Variants in PALM2AKAP2 observed in about 807,000 individuals in gnomAD.
The protein encoded by PALM2AKAP2 is PALM2 and AKAP2 fusion, also known as PALM2-AKAP2 fusion protein.
In PALM2AKAP2, 37 loss-of-function variants were observed where a neutral mutation model predicts 71.5. The ratio of observed to expected loss-of-function variants is 0.52; its 90% confidence interval spans 0.40 to 0.68. PALM2AKAP2 has a LOEUF of 0.68. PALM2AKAP2 is among the 30% of genes least tolerant of loss of function. PALM2AKAP2 has a pLI of 0.00. For missense variants in PALM2AKAP2, 1,224 were observed against 1,191.8 expected (o/e 1.03, Z -0.40); for synonymous variants, 468 against 478.8 (o/e 0.98, Z 0.29).
chr9:110,108,513 C>G (rs1835169486), intron 1 of PALM2AKAP2, among the ~76,000 whole-genome samples: 1 of 152,052 alleles, frequency 6.6e-6, no homozygotes, highest in African/African-American at 2.4e-5. Flanking sequence ...ATTCTACTAC[C>G]CTAATATAAT....
At chr9:110,149,367 C>G (rs974714504) in intron 2 of PALM2AKAP2, among the ~76,000 whole-genome samples, 1 of 152,216 alleles carries the variant, frequency 6.6e-6, no homozygotes. Flanking sequence ...GTGGATCTGC[C>G]TAGTCCATAA....
intron 1 of PALM2AKAP2, among the ~76,000 whole-genome samples, chr9:109,802,305 C>T (rs1351736677): frequency 6.6e-6 from 1 of 152,152 alleles, no homozygotes; most frequent in Non-Finnish European, 1.5e-5. Context: ...ATAGGTTCCC[C>T]ACTTTGTTAA....
At chr9:109,990,684 G>A (rs558125424) in intron 6 of PALM2AKAP2, among the ~76,000 whole-genome samples, 3 of 152,338 alleles carry the variant, frequency 2.0e-5, no homozygotes, top group East Asian at 1.9e-4. Context: ...AGGCAGCTTC[G>A]CTTTACTGCA....
At chr9:109,843,576 G>A (rs911572743) in intron 1 of PALM2AKAP2, among the ~76,000 whole-genome samples, 4 of 152,096 alleles carry the variant, frequency 2.6e-5, no homozygotes, top group Non-Finnish European at 5.9e-5. Context: ...TAGAGTATGT[G>A]AAAAAAATTT....
exon 4 of PALM2AKAP2, chr9:110,172,025 G>A (rs1836868927): frequency 6.6e-6 from 1 of 152,554 alleles, no homozygotes; most frequent in Non-Finnish European, 1.5e-5. Context: ...GCCGTATATA[G>A]ATCAATGTCC....
intron 6 of PALM2AKAP2, among the ~76,000 whole-genome samples, chr9:109,977,217 G>A (rs1832188362): frequency 6.6e-6 from 1 of 152,068 alleles, no homozygotes; most frequent in South Asian, 2.1e-4. Context: ...GCTGCACCAG[G>A]GAATACAAGT....
chr9:109,901,513 A>G (rs760578136), intron 3 of PALM2AKAP2, among the ~76,000 whole-genome samples: 1 of 152,166 alleles, frequency 6.6e-6, no homozygotes, highest in East Asian at 1.9e-4. Flanking sequence ...CTCTTTGAAG[A>G]TGGGATAATC....
At chr9:110,005,259 C>A (rs976848171) in intron 6 of PALM2AKAP2, among the ~76,000 whole-genome samples, 1 of 152,218 alleles carries the variant, frequency 6.6e-6, no homozygotes, top group Non-Finnish European at 1.5e-5. Flanking sequence ...GGACCCTCAG[C>A]TGCAGGTCTG....
At chr9:109,966,329 G>A (rs1303815411) in intron 6 of PALM2AKAP2, among the ~76,000 whole-genome samples, 2 of 152,240 alleles carry the variant, frequency 1.3e-5, no homozygotes, top group Admixed American at 1.3e-4. Context: ...GAAGAGCCTT[G>A]ATAGACTTAA....
intron 1 of PALM2AKAP2, among the ~76,000 whole-genome samples, chr9:109,813,145 G>A (rs1827767056): frequency 6.6e-6 from 1 of 152,234 alleles, no homozygotes; most frequent in African/African-American, 2.4e-5. Context: ...AGCCAAGTTA[G>A]AAATTGGTCA....
chr9:110,088,364 C>A (rs1481305982), intron 1 of PALM2AKAP2, among the ~76,000 whole-genome samples: 3 of 152,184 alleles, frequency 2.0e-5, no homozygotes, highest in Non-Finnish European at 2.9e-5. Context: ...CAATCAGAGG[C>A]TGCAGTGAAG....
chr9:110,070,977 C>T (rs982344520), intron 1 of PALM2AKAP2, among the ~76,000 whole-genome samples: 1 of 151,846 alleles, frequency 6.6e-6, no homozygotes, highest in South Asian at 2.1e-4. Context: ...GCCTGGCCAA[C>T]GTGGTGAAAC....
At chr9:110,051,748 G>C (rs559944249) in intron 1 of PALM2AKAP2, among the ~76,000 whole-genome samples, 1 of 152,248 alleles carries the variant, frequency 6.6e-6, no homozygotes, top group Non-Finnish European at 1.5e-5. Context: ...TCTTGAATCA[G>C]CTTTTGGAAT....
intron 1 of PALM2AKAP2, among the ~76,000 whole-genome samples, chr9:109,817,268 A>G (rs1352042130): frequency 6.6e-6 from 1 of 152,204 alleles, no homozygotes; most frequent in African/African-American, 2.4e-5. Context: ...TGGTCTGATC[A>G]GAGGCCAATT....
At chr9:110,090,198 G>T (rs1459742198) in intron 1 of PALM2AKAP2, 1 of 348,294 alleles carries the variant, frequency 2.9e-6, no homozygotes, top group Non-Finnish European at 5.8e-6. Context: ...GCGTCCACCA[G>T]GTGTGTGCGG....
At chr9:109,737,575 G>T (rs1229428367) in intron 1 of PALM2AKAP2, among the ~76,000 whole-genome samples, 1 of 152,242 alleles carries the variant, frequency 6.6e-6, no homozygotes, top group African/African-American at 2.4e-5. Context: ...AGGCACACAA[G>T]AAAGAAAGGT....
intron 1 of PALM2AKAP2, among the ~76,000 whole-genome samples, chr9:109,713,222 C>T (rs1021194758): frequency 2.0e-5 from 3 of 152,174 alleles, no homozygotes; most frequent in Non-Finnish European, 4.4e-5. Context: ...TTCTTGGGAG[C>T]TCTTCAAACA....
chr9:109,702,581 G>T (rs931780030), intron 1 of PALM2AKAP2, among the ~76,000 whole-genome samples: 2 of 150,696 alleles, frequency 1.3e-5, no homozygotes, highest in Non-Finnish European at 3.0e-5. Context: ...ATCACACACC[G>T]GGGCCTGTTG....
intron 1 of PALM2AKAP2, among the ~76,000 whole-genome samples, chr9:109,856,046 A>G (rs370741270): frequency 1.8e-4 from 28 of 152,356 alleles, no homozygotes; most frequent in African/African-American, 6.5e-4. Context: ...AAAAACTGTC[A>G]AAACTCTTAT....
Sources: gnomAD v4.1 joint callset for allele counts (sites outside exome capture counted in the v4.1 genomes callset) on GRCh38, gnomAD v4.1.1 for gene constraint, MANE v1.5 for transcripts, NCBI Gene and HGNC (gene_info 2026-07-23, HGNC 2026-07-21) for gene names.